USE1: variants seen among roughly 807,000 people sequenced by gnomAD.
The protein encoded by USE1 is unconventional SNARE in the ER 1, also known as vesicle transport protein USE1.
USE1 carries 32 observed loss-of-function variants against 37.6 expected under a neutral mutation model. The ratio of observed to expected loss-of-function variants is 0.85; its 90% confidence interval spans 0.64 to 1.14. USE1 has a LOEUF of 1.14. Among genes scored for constraint, USE1 ranks in the 50% most tolerant of loss-of-function variants. The pLI is 0.00. For synonymous variants in USE1, 149 were observed against 137.6 expected (o/e 1.08, Z -0.58); for missense variants, 310 against 332.2 (o/e 0.93, Z 0.52).
intron 5 of USE1, 196 bp from the exon 6 acceptor site, chr19:17,218,168 G>A (rs187083270): frequency 7.7e-6 from 5 of 649,668 alleles, no homozygotes; most frequent in African/African-American, 5.5e-5. Flanking sequence ...GGGACCTGGG[G>A]TCTGAGGGAA....
intron 2 of USE1, 70 bp downstream of exon 2, chr19:17,215,921 A>T: frequency 1.9e-6 from 3 of 1,583,914 alleles, no homozygotes; most frequent in Non-Finnish European, 2.6e-6. Flanking sequence ...CAGTACCGCT[A>T]TCCCAGCTGG....
In USE1 at chr19:17,216,305, G is replaced by A; in HGVS notation, c.368G>A (p.Ser123Asn). Residue 123 changes from serine to asparagine, a missense_variant, in exon 4 of 8, where the codon AGT becomes AAT. Coordinates refer to ENST00000263897, the MANE Select transcript of USE1 (RefSeq NM_018467.4). ...GCGCGGTACACCAGCGAGATGCGGA[G>A]TGAGCTACTAGGCACGGTAGGGCTC... ...SRARYTSEMR[S>N]ELLGTDSAEP... The A allele has an allele frequency of 6.2e-7, 1 of 1,612,458 alleles. No individual in the cohort carries two copies. Among genetic ancestry groups the A allele is most frequent in the Non-Finnish European group, 8.5e-7 (1 of 1,179,452 alleles).
At chr19:17,217,136 CTTTTT>C (rs35846876) in intron 4 of USE1, among the ~76,000 whole-genome samples, 3 of 128,628 alleles carry the variant, frequency 2.3e-5, no homozygotes, top group African/African-American at 6.0e-5. Flanking sequence ...ATGGCATTTA[CTTTTT>C]TTTTTTTTTT....
At chr19:17,218,176 G>A (rs1217878078) in intron 5 of USE1, 188 bp from the exon 6 acceptor site, 2 of 691,048 alleles carry the variant, frequency 2.9e-6, no homozygotes, top group Non-Finnish European at 4.9e-6. Flanking sequence ...GGGTCTGAGG[G>A]AACCGAGACA....
At chr19:17,217,117 G>A (rs1032290361) in intron 4 of USE1, among the ~76,000 whole-genome samples, 8 of 150,620 alleles carry the variant, frequency 5.3e-5, no homozygotes, top group Admixed American at 1.3e-4. Flanking sequence ...AGACAAGGGG[G>A]GTGACTTCAT....
chr19:17,216,568 G>A (rs1156965586), intron 4 of USE1, among the ~76,000 whole-genome samples: 1 of 152,234 alleles, frequency 6.6e-6, no homozygotes, highest in Non-Finnish European at 1.5e-5. Flanking sequence ...GTTGGCCCAA[G>A]AGCAGGGTTT....
rs2073284395 is a variant in USE1, at chr19:17,215,680, C to T, written c.103-122C>T. On this transcript the variant is annotated intron_variant, in intron 1 of 7. Transcript: ENST00000263897. ...CGCCCCCGTCCCTGGGACTCCGCCC[C>T]TCCCCCACTGGCCCCGCCTCCTTTA... 4.5e-6 allele frequency: 5 copies of T among 1,107,590 alleles called. No individual in the cohort carries two copies. The South Asian group carries it at 7.5e-5, about 17-fold the overall frequency. 68.6% of individuals were successfully genotyped at this position (1,107,590 alleles called of 1,614,324 possible).
chr19:17,219,636 G>A lies in USE1; in HGVS notation c.603G>A (p.Leu201=), dbSNP rs1053206694. The A allele has an allele frequency of 6.2e-7, 1 of 1,604,244 alleles. No homozygotes were observed. The change falls in exon 8 of 8, where the codon CTG becomes CTA. Residue 201 remains leucine, a synonymous_variant. Transcript: ENST00000263897. The stretch of plus-strand genomic sequence containing the variant: ...CTTTTCCACCTCCCCCACAGACCCT[G>A]TCACACTCACTGAAAATGGCGGACC... The part of the protein sequence containing the change: ...QSVIKKDNQT[L]SHSLKMADQN...
At chr19:17,218,589 GC>G in intron 6 of USE1, 198 bp downstream of exon 6, 1 of 573,336 alleles carries the variant, frequency 1.7e-6, no homozygotes, top group East Asian at 3.4e-5. Flanking sequence ...ACTTTGGGAG[GC>G]TGAGGCAGGC....
intron 6 of USE1, 23 bp from the exon 7 acceptor site, chr19:17,219,190 C>T: frequency 1.9e-6 from 3 of 1,603,882 alleles, no homozygotes; most frequent in African/African-American, 1.3e-5. Context: ...CTCATGTCCT[C>T]CTCCCCCCGT....
chr19:17,219,372 CAAG>C lies in USE1; in HGVS notation c.586_588del (p.Lys196del). On this transcript the variant is annotated inframe_deletion, in exon 7 of 8. Coordinates refer to ENST00000263897, the MANE Select transcript of USE1 (RefSeq NM_018467.4). ...ATACCCTGGCCGCCCAGAGTGTCAT[CAAG>C]AAGGACAACCAGGTGTGGGGACTGG... The C allele has an allele frequency of 6.4e-7, 1 of 1,558,536 alleles. No homozygotes were observed. Among genetic ancestry groups the C allele is most frequent in the Non-Finnish European group, 8.7e-7 (1 of 1,150,808 alleles).
Position 17,219,670 on chromosome 19 carries a change from G to A in USE1, c.637G>A (p.Glu213Lys), listed in dbSNP as rs1568309969. 1 of 1,611,020 alleles carries A rather than the reference G, an allele frequency of 6.2e-7. No homozygotes were observed. Among genetic ancestry groups the A allele is most frequent in the East Asian group, 2.2e-5 (1 of 44,782 alleles). ...HSLKMADQNL[E>K]KLKTESERLE... is the part of the protein sequence containing the mutation. Reference sequence around the variant, plus strand: ...ACTGAAAATGGCGGACCAGAACCTGGAGAAACTGAAGACGGAGTCAGAGCG... The same window carrying A: ...ACTGAAAATGGCGGACCAGAACCTGAAGAAACTGAAGACGGAGTCAGAGCG... The change falls in exon 8 of 8, where the codon GAG becomes AAG. Residue 213 changes from glutamate (E) to lysine (K), a missense_variant. Glu to Lys is a moderately conservative substitution (Grantham distance 56). Transcript: ENST00000263897.
Position 17,215,835 on chromosome 19 carries a change from C to G in USE1, c.136C>G (p.Leu46Val). The change falls in exon 2 of 8, where the codon CTG becomes GTG. Residue 46 changes from leucine (L) to valine (V), a missense_variant. Physicochemically the swap from Leu to Val is conservative, Grantham distance 32. Coordinates refer to ENST00000263897, the MANE Select transcript of USE1 (RefSeq NM_018467.4). The stretch of plus-strand genomic sequence containing the variant: ...AGCCCTAGAGGACATGTTGCAGGCC[C>G]TGAAGGTCCACGCGAGGTGAGTGCA... ...VGALEDMLQA[L>V]KVHASKPASE... is the part of the protein sequence containing the mutation. 6.2e-7 allele frequency: 1 copy of G among 1,610,282 alleles called. No homozygotes were observed. Among genetic ancestry groups the G allele is most frequent in the Non-Finnish European group, 8.5e-7 (1 of 1,178,546 alleles).
chr19:17,215,798 C>G lies in USE1; in HGVS notation c.103-4C>G. 6.2e-7 allele frequency: 1 copy of G among 1,609,862 alleles called. No homozygotes were observed. Among genetic ancestry groups the G allele is most frequent in the Non-Finnish European group, 8.5e-7 (1 of 1,178,546 alleles). On this transcript the variant is annotated splice_region_variant and splice_polypyrimidine_tract_variant and intron_variant, in intron 1 of 7. Transcript: ENST00000263897. ...CCGGGTGACAATCCACTTTTCCTCCCCAGTACGTGGGAGCCCTAGAGGACA... is the reference window on the plus strand; with the variant it reads ...CCGGGTGACAATCCACTTTTCCTCCGCAGTACGTGGGAGCCCTAGAGGACA...
At chr19:17,217,421 C>T in intron 4 of USE1, 32 bp from the exon 5 acceptor site, 3 of 1,608,860 alleles carry the variant, frequency 1.9e-6, no homozygotes, top group Non-Finnish European at 2.5e-6. Context: ...AGCCACTGCA[C>T]CCAGCCTCAT....
At position 17,219,208 on chromosome 19, in the gene USE1, A is replaced by G. The variant is rs757876476; in HGVS notation, c.423-5A>G. The G allele has an allele frequency of 6.2e-7, 1 of 1,610,100 alleles. No homozygotes were observed. The highest frequency in any genetic ancestry group is 8.5e-7 in the Non-Finnish European group (1 of 1,176,946). Reference sequence around the variant, plus strand: ...ATGTCCTCCTCCCCCCGTGTGTGAAATCAGTGGAGTGGCAGGGTCCCAGCC... The same window carrying G: ...ATGTCCTCCTCCCCCCGTGTGTGAAGTCAGTGGAGTGGCAGGGTCCCAGCC... On this transcript the variant is annotated splice_polypyrimidine_tract_variant and splice_region_variant and intron_variant, in intron 6 of 7. Transcript: ENST00000263897.
intron 2 of USE1, 52 bp downstream of exon 2, chr19:17,215,903 G>A: frequency 6.3e-7 from 1 of 1,589,842 alleles, no homozygotes; most frequent in South Asian, 1.1e-5. Context: ...CTGTGCTACT[G>A]GACATCCCAG....
chr19:17,219,715 A>T lies in USE1; in HGVS notation c.682A>T (p.Lys228Ter). ...ESERLEQHTQ[K>*]SVNWLLWAML... is the part of the protein sequence containing the mutation. ...AGAGCGTCTGGAGCAGCACACGCAGAAGTCAGTCAACTGGCTGCTCTGGGC... is the reference window on the plus strand; with the variant it reads ...AGAGCGTCTGGAGCAGCACACGCAGTAGTCAGTCAACTGGCTGCTCTGGGC... The change falls in exon 8 of 8, where the codon AAG (lysine) becomes TAG (stop). Residue 228 changes from lysine to a stop codon, truncating the protein, a stop_gained. Transcript: ENST00000263897. LOFTEE classifies it high-confidence loss of function. 1 of 1,613,602 alleles carries T rather than the reference A, an allele frequency of 6.2e-7. No homozygotes were observed. Among genetic ancestry groups the T allele is most frequent in the African/African-American group, 1.3e-5 (1 of 75,044 alleles).
intron 5 of USE1, 132 bp downstream of exon 5, chr19:17,217,594 T>C: frequency 1.5e-6 from 2 of 1,313,042 alleles, no homozygotes; most frequent in Non-Finnish European, 2.1e-6. Flanking sequence ...AAACTACACC[T>C]GGAGGAAGAG....
Sources: allele counts gnomAD v4.1 joint callset (sites outside exome capture counted in the v4.1 genomes callset), GRCh38; gene constraint gnomAD v4.1.1; transcripts MANE v1.5; gene names NCBI Gene and HGNC (gene_info 2026-07-23, HGNC 2026-07-21).